The following CCDC60 variants were observed in gnomAD, a reference collection of about 807,000 sequenced individuals.
CCDC60 encodes coiled-coil domain containing 60.
In CCDC60, 54 loss-of-function variants were observed where a neutral mutation model predicts 63.5. That is an observed-to-expected ratio of 0.85 (90% confidence interval 0.68 to 1.07). The LOEUF is 1.07. Among genes scored for constraint, CCDC60 ranks in the 50% least tolerant of loss-of-function variants. The pLI is 0.00. For synonymous variants in CCDC60, 206 were observed against 238.8 expected, an observed-to-expected ratio of 0.86 and a Z score of 1.27; for missense variants, 651 against 684.3, an observed-to-expected ratio of 0.95 and a Z score of 0.54.
intron 1 of CCDC60, among the ~76,000 whole-genome samples, chr12:119,378,218 C>T (rs1382639356): frequency 2.6e-5 from 4 of 152,308 alleles, no homozygotes; most frequent in East Asian, 1.9e-4. Context: ...TTACTGTACA[C>T]GTGGTTGACA....
At chr12:119,398,091 G>T (rs1203504407) in intron 1 of CCDC60, among the ~76,000 whole-genome samples, 1 of 115,278 alleles carries the variant, frequency 8.7e-6, no homozygotes, top group Non-Finnish European at 1.9e-5. Flanking sequence ...CGCGGGGGGA[G>T]GAAGGGGGCG....
chr12:119,474,747 C>T (rs1217581990), intron 3 of CCDC60, among the ~76,000 whole-genome samples: 5 of 152,134 alleles, frequency 3.3e-5, no homozygotes, highest in Admixed American at 3.3e-4. Flanking sequence ...TGGCTCACAC[C>T]TGTAATCCCA....
At chr12:119,521,865 T>A (rs555166327) in intron 9 of CCDC60, among the ~76,000 whole-genome samples, 2 of 152,214 alleles carry the variant, frequency 1.3e-5, no homozygotes, top group Non-Finnish European at 2.9e-5. Flanking sequence ...CTGGTTGGAA[T>A]CCAAAATCAA....
At chr12:119,523,896 T>C (rs1047787166) in intron 11 of CCDC60, 78 bp downstream of exon 11, 4 of 1,456,992 alleles carry the variant, frequency 2.7e-6, no homozygotes, top group Non-Finnish European at 3.8e-6. Context: ...TGCCAGGTGC[T>C]GGGGCTATAT....
intron 1 of CCDC60, among the ~76,000 whole-genome samples, chr12:119,351,711 T>A (rs1386573848): frequency 2.6e-5 from 4 of 152,244 alleles, no homozygotes; most frequent in Non-Finnish European, 5.9e-5. Context: ...TTTACTCCAG[T>A]TCCCAGTAAG....
At chr12:119,500,547 C>A (rs976162153) in intron 6 of CCDC60, among the ~76,000 whole-genome samples, 1 of 148,596 alleles carries the variant, frequency 6.7e-6, no homozygotes, top group African/African-American at 2.5e-5. Context: ...ACCCCCACCC[C>A]GCTTTAACCC....
chr12:119,503,052 C>T (rs1951894250), intron 6 of CCDC60, among the ~76,000 whole-genome samples: 1 of 152,204 alleles, frequency 6.6e-6, no homozygotes, highest in South Asian at 2.1e-4. Context: ...TGGTGGGCAC[C>T]TGTAATACCA....
In CCDC60 at chr12:119,410,996, G is replaced by A. The variant is rs140051092; in HGVS notation, c.91-17687G>A. Reference sequence around the variant, plus strand: ...GATCCCCACACCTCAGCCTCCCAAAGTGCTGGGATTACTGGCATGAGCCAC... The same window carrying A: ...GATCCCCACACCTCAGCCTCCCAAAATGCTGGGATTACTGGCATGAGCCAC... On this transcript the variant is annotated intron_variant, in intron 1 of 13. Coordinates refer to ENST00000327554, the MANE Select transcript of CCDC60 (RefSeq NM_178499.5). This position sits in a 1 kb window ranked among gnomAD's most constrained non-coding sequence, Gnocchi z 4.0. Among the ~76,000 whole-genome samples the A allele has an allele frequency of 7.1e-4, 108 of 152,284 alleles. 1 individual carries two copies. In the East Asian group the frequency reaches 0.016, roughly 23 times the overall value.
chr12:119,344,238 T>C (rs774760569), intron 1 of CCDC60, among the ~76,000 whole-genome samples: 35 of 152,118 alleles, frequency 2.3e-4, no homozygotes, highest in Non-Finnish European at 4.3e-4. Context: ...CATCTCAGTA[T>C]TGCCAAATGT....
chr12:119,418,386 C>G (rs372816176), intron 1 of CCDC60, among the ~76,000 whole-genome samples: 18 of 65,752 alleles, frequency 2.7e-4, no homozygotes, highest in Non-Finnish European at 2.7e-5. Flanking sequence ...TTCTTTCTTT[C>G]TTTTTTTTTT....
At chr12:119,510,815 T>G (rs1952197459) in intron 7 of CCDC60, among the ~76,000 whole-genome samples, 1 of 152,160 alleles carries the variant, frequency 6.6e-6, no homozygotes, top group Admixed American at 6.6e-5. Flanking sequence ...AGTACGAAAG[T>G]GCCCACTCCC....
chr12:119,384,641 C>A (rs1045201037), intron 1 of CCDC60, among the ~76,000 whole-genome samples: 7 of 152,210 alleles, frequency 4.6e-5, no homozygotes, highest in Non-Finnish European at 1.0e-4. Flanking sequence ...AGGGACCCAT[C>A]CTGGCTTCTG....
At chr12:119,486,657 G>A (rs552980327) in intron 4 of CCDC60, among the ~76,000 whole-genome samples, 8 of 152,318 alleles carry the variant, frequency 5.3e-5, no homozygotes, top group Admixed American at 5.2e-4. Context: ...GTTTCTCATG[G>A]TAGTTTTCCA....
chr12:119,527,763 G>A (rs1220366104), intron 11 of CCDC60, among the ~76,000 whole-genome samples: 1 of 138,062 alleles, frequency 7.2e-6, no homozygotes, highest in Non-Finnish European at 1.5e-5. Flanking sequence ...TGCAAGCTCC[G>A]CCTCCTGGGT....
At chr12:119,344,839 TCTCTCTCTCTCTCTCTCACACACACA>T (rs1211030937) in intron 1 of CCDC60, among the ~76,000 whole-genome samples, 3 of 103,096 alleles carry the variant, frequency 2.9e-5, no homozygotes, top group African/African-American at 1.1e-4. Flanking sequence ...TCTCTCTTTC[TCTCTCTCTCTCTCTCTCACACACACA>T]CACACACACA....
chr12:119,457,673 G>A (rs1482197417), intron 2 of CCDC60, among the ~76,000 whole-genome samples: 3 of 152,098 alleles, frequency 2.0e-5, no homozygotes, highest in Non-Finnish European at 4.4e-5. Context: ...TCAGGAAATA[G>A]CTTTAATTTG....
chr12:119,451,952 C>A (rs528392510), intron 2 of CCDC60, among the ~76,000 whole-genome samples: 1 of 152,106 alleles, frequency 6.6e-6, no homozygotes, highest in South Asian at 2.1e-4. Flanking sequence ...CCAACATCAT[C>A]TTTTCTTCTT....
In CCDC60 at chr12:119,524,721, C is replaced by CTTTTTTTTTTTTTTTT. The variant is rs55694840; in HGVS notation, c.1229+907_1229+922dup. Reference sequence around the variant, plus strand: ...ACAGCAGTTTCTTTTCTTTTCTTTTCTTTTTTTTTTTTTTTTTTTGAGACA... The same window carrying CTTTTTTTTTTTTTTTT: ...ACAGCAGTTTCTTTTCTTTTCTTTTCTTTTTTTTTTTTTTTTTTTTTTTTTTTTTTTTTTTGAGACA... On this transcript the variant is annotated intron_variant, in intron 11 of 13. Transcript: ENST00000327554. Among the ~76,000 whole-genome samples the CTTTTTTTTTTTTTTTT allele has an allele frequency of 7.2e-3, 714 of 98,762 alleles. 18 individuals are homozygous for CTTTTTTTTTTTTTTTT. Among genetic ancestry groups the CTTTTTTTTTTTTTTTT allele is most frequent in the East Asian group, 0.015 (51 of 3,420 alleles). 64.8% of individuals were successfully genotyped at this position (98,762 alleles called of 152,430 possible).
intron 1 of CCDC60, among the ~76,000 whole-genome samples, chr12:119,342,626 C>T (rs1955544342): frequency 6.6e-6 from 1 of 152,186 alleles, no homozygotes; most frequent in Non-Finnish European, 1.5e-5. Context: ...CATCAAAGAG[C>T]TGTGGGGGTG....
Sources: gnomAD v4.1 joint callset for allele counts (sites outside exome capture counted in the v4.1 genomes callset) on GRCh38, gnomAD v4.1.1 for gene constraint, Gnocchi (gnomAD v3.1) non-coding constraint, MANE v1.5 for transcripts, NCBI Gene and HGNC (gene_info 2026-07-23, HGNC 2026-07-21) for gene names.